MYO5B: variants seen among roughly 807,000 people sequenced by gnomAD.
The protein encoded by MYO5B is myosin VB, also known as unconventional myosin-Vb.
A neutral mutation model predicts 229.3 loss-of-function variants in MYO5B; 143 were observed. The ratio of observed to expected loss-of-function variants is 0.62; its 90% confidence interval spans 0.54 to 0.72. MYO5B has a LOEUF of 0.72. MYO5B is among the 30% of genes least tolerant of loss of function. The probability of loss-of-function intolerance (pLI) is 0.00; values close to 1 mark genes in which losing one functional copy is unlikely to be tolerated. For missense variants in MYO5B, 2,321 were observed against 2,331.0 expected, an observed-to-expected ratio of 1.00 and a Z score of 0.09; for synonymous variants, 918 against 885.2, an observed-to-expected ratio of 1.04 and a Z score of -0.66.
At chr18:50,046,476 T>A (rs994283855) in intron 2 of MYO5B, among the ~76,000 whole-genome samples, 1 of 152,212 alleles carries the variant, frequency 6.6e-6, no homozygotes, top group African/African-American at 2.4e-5. Flanking sequence ...TCAGCAATCT[T>A]CAAGGGTCAT....
At chr18:50,068,391 A>G (rs2030874131) in intron 1 of MYO5B, among the ~76,000 whole-genome samples, 1 of 152,204 alleles carries the variant, frequency 6.6e-6, no homozygotes, top group South Asian at 2.1e-4. Context: ...GATCTACAGC[A>G]TTAGTTTTCC....
chr18:50,027,725 C>T (rs746188400), intron 4 of MYO5B, among the ~76,000 whole-genome samples: 1 of 152,204 alleles, frequency 6.6e-6, no homozygotes, highest in Non-Finnish European at 1.5e-5. Flanking sequence ...TTACAGGAAT[C>T]TATCCAGATT....
At chr18:49,992,597 A>G (rs928866358) in intron 5 of MYO5B, among the ~76,000 whole-genome samples, 166 bp from the exon 6 acceptor site, 7 of 152,188 alleles carry the variant, frequency 4.6e-5, no homozygotes, top group Non-Finnish European at 1.5e-5. Context: ...AAAAACTTGA[A>G]ACTCTTCTTT....
chr18:50,191,540 T>C (rs1468866712), intron 1 of MYO5B, among the ~76,000 whole-genome samples: 1 of 152,236 alleles, frequency 6.6e-6, no homozygotes, highest in South Asian at 2.1e-4. Flanking sequence ...TAACATGCAA[T>C]GTATTCATTT....
At chr18:50,185,830 C>G (rs1375435627) in intron 1 of MYO5B, among the ~76,000 whole-genome samples, 1 of 141,962 alleles carries the variant, frequency 7.0e-6, no homozygotes, top group African/African-American at 2.6e-5. Flanking sequence ...CTTGTGCAGC[C>G]ATTAAAAATG....
rs57101973 is a variant in MYO5B at position 49,965,455 on chromosome 18, TCACACA to T, written c.1323-2431_1323-2426del. ...TCTTTTCATACAAACACACTTCTTT[TCACACA>T]CACACACACACACACACACACACCT... On this transcript the variant is annotated intron_variant, in intron 10 of 39. Coordinates refer to ENST00000285039, the MANE Select transcript of MYO5B (RefSeq NM_001080467.3). Among the ~76,000 whole-genome samples, 652 of 147,210 alleles carry T rather than the reference TCACACA, an allele frequency of 4.4e-3. 6 individuals are homozygous for T. The highest frequency in any genetic ancestry group is 0.014 in the African/African-American group (566 of 39,532).
chr18:49,943,843 G>A (rs945189122), intron 14 of MYO5B, among the ~76,000 whole-genome samples: 22 of 152,122 alleles, frequency 1.4e-4, no homozygotes, highest in South Asian at 4.1e-4. Context: ...ACAAAGATGC[G>A]ACTAAATCGG....
Position 49,863,416 on chromosome 18 carries a change from G to A in MYO5B, c.3844-89C>T, listed in dbSNP as rs1417817780. 4 of 1,129,234 alleles carry A rather than the reference G, an allele frequency of 3.5e-6. No individual in the cohort carries two copies. The East Asian group carries it at 9.6e-5, about 27-fold the overall frequency. 70.0% of individuals were successfully genotyped at this position (1,129,234 alleles called of 1,614,324 possible). A position where few individuals can be genotyped will look rare whatever the true frequency, so the allele number is the denominator to read the frequency against. ...CAAACAGGTATAAAAACATGCCTTT[G>A]GGAAAAGACAAAGGCCTGGAAAGAA... is the stretch of plus-strand genomic sequence containing the variant. On this transcript the variant is annotated intron_variant, in intron 28 of 39. Transcript: ENST00000285039.
intron 27 of MYO5B, among the ~76,000 whole-genome samples, chr18:49,868,846 G>A (rs746085377): frequency 6.6e-6 from 1 of 152,188 alleles, no homozygotes; most frequent in Non-Finnish European, 1.5e-5. Flanking sequence ...CCCAAATGGG[G>A]GCACCTAAGC....
At chr18:50,061,827 G>A (rs1395149302) in intron 1 of MYO5B, among the ~76,000 whole-genome samples, 2 of 152,214 alleles carry the variant, frequency 1.3e-5, no homozygotes, top group East Asian at 3.8e-4. Flanking sequence ...TTTGAAACCT[G>A]CACTCCCTGG....
In MYO5B at chr18:49,895,448, G is replaced by A. The variant is rs560618432; in HGVS notation, c.2812-274C>T. Reference sequence around the variant, plus strand: ...GCATGTGCAGAGCTGGAAGCTGCCTGGTAGCAGGTGGCTTTATGGCTGGGT... The same window carrying A: ...GCATGTGCAGAGCTGGAAGCTGCCTAGTAGCAGGTGGCTTTATGGCTGGGT... On this transcript the variant is annotated intron_variant, in intron 21 of 39. Transcript: ENST00000285039. Among the ~76,000 whole-genome samples, 7 of 152,320 alleles carry A rather than the reference G, an allele frequency of 4.6e-5. No homozygotes were observed. The East Asian group carries it at 1.2e-3, about 25-fold the overall frequency.
At chr18:49,846,692 G>A (rs2024131883) in intron 33 of MYO5B, among the ~76,000 whole-genome samples, 1 of 152,128 alleles carries the variant, frequency 6.6e-6, no homozygotes, top group Admixed American at 6.5e-5. Context: ...TTCCTTCAGT[G>A]TAAAATGAGA....
intron 1 of MYO5B, among the ~76,000 whole-genome samples, chr18:50,092,528 T>G (rs988643806): frequency 6.0e-4 from 90 of 151,100 alleles, no homozygotes; most frequent in African/African-American, 2.0e-3. Flanking sequence ...TTGTTTTTTG[T>G]TTTTTTTTAA....
rs113912691 is a variant in MYO5B, at chr18:49,944,698, T to C, written c.1753-7301A>G. Among the ~76,000 whole-genome samples, 204 of 152,214 alleles carry C rather than the reference T, an allele frequency of 1.3e-3. 2 individuals carry two copies. The highest frequency in any genetic ancestry group is 5.2e-3 in the Admixed American group (80 of 15,286). Reference sequence around the variant, plus strand: ...TGACCTGGATTCCTGCATTTTCTTATACTTGAATCACTCCATCCCCTGGCT... The same window carrying C: ...TGACCTGGATTCCTGCATTTTCTTACACTTGAATCACTCCATCCCCTGGCT... On this transcript the variant is annotated intron_variant, in intron 14 of 39. Coordinates refer to ENST00000285039, the MANE Select transcript of MYO5B (RefSeq NM_001080467.3).
chr18:49,863,927 G>A (rs544451304), intron 28 of MYO5B, among the ~76,000 whole-genome samples: 1 of 152,216 alleles, frequency 6.6e-6, no homozygotes, highest in Non-Finnish European at 1.5e-5. Flanking sequence ...ATTAACTTCA[G>A]AAGAGTCCAG....
intron 14 of MYO5B, among the ~76,000 whole-genome samples, chr18:49,946,770 G>A (rs2025378112): frequency 6.6e-6 from 1 of 152,252 alleles, no homozygotes; most frequent in South Asian, 2.1e-4. Flanking sequence ...CTTTGGCAGT[G>A]GCAGGATCTG....
chr18:50,173,278 A>G (rs188790126), intron 1 of MYO5B, among the ~76,000 whole-genome samples: 2,301 of 142,410 alleles, frequency 0.016, 57 homozygotes, highest in African/African-American at 0.055. Context: ...AAAACAGAAG[A>G]AAAAAAAAAA....
chr18:49,920,280 G>A (rs1440122773), intron 17 of MYO5B, among the ~76,000 whole-genome samples: 2 of 152,168 alleles, frequency 1.3e-5, no homozygotes, highest in Non-Finnish European at 2.9e-5. Flanking sequence ...ATACTTTAAA[G>A]GGGTGAATTT....
At chr18:49,852,674 G>A (rs574948322) in intron 31 of MYO5B, among the ~76,000 whole-genome samples, 2 of 152,080 alleles carry the variant, frequency 1.3e-5, no homozygotes, top group Admixed American at 6.5e-5. Flanking sequence ...CCCGCCCTCC[G>A]ACTGCCTTCA....
Sources: gnomAD v4.1 joint callset for allele counts (sites outside exome capture counted in the v4.1 genomes callset) on GRCh38, gnomAD v4.1.1 for gene constraint, MANE v1.5 for transcripts, NCBI Gene and HGNC (gene_info 2026-07-23, HGNC 2026-07-21) for gene names.